Variants in ANXA13 observed in about 807,000 individuals in gnomAD.
ANXA13 encodes the protein annexin XIII.
Under a neutral mutation model 46.6 loss-of-function variants are expected in ANXA13, and 36 were observed. The ratio of observed to expected loss-of-function variants is 0.77; its 90% confidence interval spans 0.59 to 1.02. ANXA13 has a LOEUF of 1.02. Among genes scored for constraint, ANXA13 ranks in the 50% least tolerant of loss-of-function variants. The pLI is 0.00. For synonymous variants in ANXA13, 163 were observed against 152.9 expected (o/e 1.07, Z -0.49); for missense variants, 417 against 396.5 (o/e 1.05, Z -0.44).
At chr8:123,715,135 G>T (rs934770794) in intron 1 of ANXA13, among the ~76,000 whole-genome samples, 2 of 152,222 alleles carry the variant, frequency 1.3e-5, no homozygotes, top group South Asian at 4.1e-4. Flanking sequence ...CTTGTTGGCA[G>T]GACCAGCTAC....
At chr8:123,703,564 C>A (rs1032188446) in intron 2 of ANXA13, among the ~76,000 whole-genome samples, 27 of 152,132 alleles carry the variant, frequency 1.8e-4, no homozygotes, top group Non-Finnish European at 3.4e-4. Flanking sequence ...TGTTCCTTGG[C>A]CTCTGGGTGC....
At chr8:123,702,541 A>G (rs1156746609) in intron 3 of ANXA13, 101 bp downstream of exon 3, 4 of 913,338 alleles carry the variant, frequency 4.4e-6, no homozygotes, top group Non-Finnish European at 5.3e-6. Context: ...GGCTGACTCA[A>G]TAAAGCTATA....
At chr8:123,682,679 C>T (rs754924069) in intron 10 of ANXA13, among the ~76,000 whole-genome samples, 8 of 149,112 alleles carry the variant, frequency 5.4e-5, no homozygotes, top group Non-Finnish European at 1.0e-4. Context: ...CCCCCTGCTC[C>T]GCTGCTTGGC....
intron 1 of ANXA13, among the ~76,000 whole-genome samples, chr8:123,717,524 GGATA>G (rs1355618198): frequency 6.6e-6 from 1 of 152,146 alleles, no homozygotes; most frequent in Non-Finnish European, 1.5e-5. Flanking sequence ...GATCCCAGAT[GGATA>G]GATATCTTCC....
intron 1 of ANXA13, among the ~76,000 whole-genome samples, chr8:123,731,073 G>A (rs188201485): frequency 1.4e-3 from 219 of 152,316 alleles, no homozygotes; most frequent in Middle Eastern, 3.4e-3. Context: ...TCTCAAACTT[G>A]AGCACATATC....
At chr8:123,712,839 C>A (rs557902033) in intron 1 of ANXA13, 86 bp from the exon 2 acceptor site, 5 of 1,145,316 alleles carry the variant, frequency 4.4e-6, no homozygotes, top group Admixed American at 1.8e-5. Flanking sequence ...ACTGGAGGAC[C>A]AAATAGTCAT....
chr8:123,684,666 T>C lies in ANXA13; in HGVS notation c.775A>G (p.Lys259Glu). The C allele has an allele frequency of 6.2e-7, 1 of 1,614,216 alleles. No homozygotes were observed. Among genetic ancestry groups the C allele is most frequent in the Non-Finnish European group, 8.5e-7 (1 of 1,180,020 alleles). The part of the protein sequence containing the change: ...YFAERLYKSM[K>E]GAGTDEETLI... ...GTCTCCTCATCGGTCCCCGCACCCTTCATCGACTTGTACAGACGTTCAGCA... is the reference window on the plus strand; with the variant it reads ...GTCTCCTCATCGGTCCCCGCACCCTCCATCGACTTGTACAGACGTTCAGCA... Residue 259 changes from lysine to glutamate, a missense_variant, in exon 10 of 11, where the codon AAG (lysine) becomes GAG (glutamate). Physicochemically the swap from Lys to Glu is moderately conservative, Grantham distance 56. Coordinates refer to ENST00000419625, the MANE Select transcript of ANXA13 (RefSeq NM_004306.4).
Position 123,681,238 on chromosome 8 carries a change from G to A in ANXA13, c.*2C>T. On this transcript the variant is annotated 3_prime_UTR_variant, in exon 11 of 11. Transcript: ENST00000419625. ...CCTGTGTTCCTATTGCCCTGGCTTG[G>A]CTCAGTGCAAGAGGGCTACTAGCAG... 1 of 1,607,706 alleles carries A rather than the reference G, an allele frequency of 6.2e-7. No individual in the cohort carries two copies. Among genetic ancestry groups the A allele is most frequent in the Non-Finnish European group, 8.5e-7 (1 of 1,176,868 alleles).
intron 2 of ANXA13, among the ~76,000 whole-genome samples, chr8:123,706,020 G>A (rs1813533441): frequency 6.6e-6 from 1 of 152,180 alleles, no homozygotes; most frequent in Non-Finnish European, 1.5e-5. Flanking sequence ...ACCTCAAAGA[G>A]TATTTTCACC....
intron 8 of ANXA13, among the ~76,000 whole-genome samples, chr8:123,691,714 C>T (rs1001117265): frequency 1.3e-5 from 2 of 152,236 alleles, no homozygotes; most frequent in Non-Finnish European, 2.9e-5. Flanking sequence ...GGAACACCTG[C>T]TCTAACACAG....
chr8:123,732,565 C>G (rs547589922), intron 1 of ANXA13, among the ~76,000 whole-genome samples: 5 of 152,126 alleles, frequency 3.3e-5, no homozygotes, highest in Admixed American at 3.3e-4. Context: ...TCCAGACTCC[C>G]GCGGCTCTAG....
intron 2 of ANXA13, among the ~76,000 whole-genome samples, chr8:123,704,962 T>C (rs1219042199): frequency 2.0e-5 from 3 of 152,262 alleles, no homozygotes; most frequent in Non-Finnish European, 4.4e-5. Flanking sequence ...TATTTCCAGC[T>C]GCCTGTAGTC....
At chr8:123,685,493 GA>G (rs948529828) in intron 9 of ANXA13, among the ~76,000 whole-genome samples, 16 of 148,546 alleles carry the variant, frequency 1.1e-4, no homozygotes, top group Middle Eastern at 3.4e-3. Flanking sequence ...CACGTTAGAG[GA>G]AAAAAAAAAT....
chr8:123,686,003 C>T (rs925752451), intron 9 of ANXA13, among the ~76,000 whole-genome samples: 9 of 152,160 alleles, frequency 5.9e-5, no homozygotes, highest in East Asian at 5.8e-4. Flanking sequence ...CACCGTGTTC[C>T]GCTCCTGCAC....
At chr8:123,685,042 C>T (rs1813116074) in intron 9 of ANXA13, among the ~76,000 whole-genome samples, 1 of 152,202 alleles carries the variant, frequency 6.6e-6, no homozygotes, top group South Asian at 2.1e-4. Context: ...CGAGTGAAAT[C>T]TCTGGTGCTG....
At chr8:123,736,610 G>A (rs1159114158) in intron 1 of ANXA13, among the ~76,000 whole-genome samples, 1 of 152,050 alleles carries the variant, frequency 6.6e-6, no homozygotes, top group Non-Finnish European at 1.5e-5. Context: ...ATTTACCTTG[G>A]TCTATTAATA....
At chr8:123,695,470 T>C (rs764599041) in intron 6 of ANXA13, 32 bp downstream of exon 6, 15 of 1,549,378 alleles carry the variant, frequency 9.7e-6, no homozygotes, top group South Asian at 2.3e-5. Context: ...TTTCCTAAGA[T>C]GATAAAACAG....
chr8:123,726,261 A>T (rs770787541), intron 1 of ANXA13, among the ~76,000 whole-genome samples: 3 of 152,194 alleles, frequency 2.0e-5, no homozygotes, highest in Non-Finnish European at 4.4e-5. Flanking sequence ...CCAGAAAGAC[A>T]AGCTTCCTTA....
intron 7 of ANXA13, 97 bp downstream of exon 7, chr8:123,693,614 A>G: frequency 9.3e-7 from 1 of 1,073,276 alleles, no homozygotes; most frequent in South Asian, 1.4e-5. Flanking sequence ...CTTATTTCCC[A>G]AGTAACTCCT....
Sources: allele counts gnomAD v4.1 joint callset (sites outside exome capture counted in the v4.1 genomes callset), GRCh38; gene constraint gnomAD v4.1.1; transcripts MANE v1.5; gene names NCBI Gene and HGNC (gene_info 2026-07-23, HGNC 2026-07-21).